The following FRMD4A variants were observed in gnomAD, a reference collection of about 807,000 sequenced individuals.
FRMD4A encodes the protein FERM domain containing 4A, also known as FERM domain-containing protein 4A.
In FRMD4A, 29 loss-of-function variants were observed where a neutral mutation model predicts 129.1. The ratio of observed to expected loss-of-function variants is 0.22; its 90% confidence interval spans 0.17 to 0.31. The LOEUF is 0.31. Among genes scored for constraint, FRMD4A ranks in the 10% least tolerant of loss-of-function variants. The pLI is 1.00. For missense variants in FRMD4A, 1,272 were observed against 1,375.8 expected (o/e 0.92, Z 1.19); for synonymous variants, 634 against 571.6 (o/e 1.11, Z -1.56).
At chr10:13,887,931 G>A (rs1222376813) in intron 2 of FRMD4A, among the ~76,000 whole-genome samples, 1 of 152,214 alleles carries the variant, frequency 6.6e-6, no homozygotes, top group Non-Finnish European at 1.5e-5. Flanking sequence ...GGTGGCAGCT[G>A]ATGGATTTAG....
At chr10:13,695,306 A>G (rs192618884) in intron 14 of FRMD4A, among the ~76,000 whole-genome samples, 2 of 151,946 alleles carry the variant, frequency 1.3e-5, no homozygotes. Context: ...ACGCCCAGCT[A>G]ATTTTTATAT....
At chr10:14,158,741 A>G (rs572622466) in intron 2 of FRMD4A, among the ~76,000 whole-genome samples, 2 of 150,376 alleles carry the variant, frequency 1.3e-5, no homozygotes, top group East Asian at 2.0e-4. Flanking sequence ...AGAAGAGGAA[A>G]AGGAGGAGGA....
intron 2 of FRMD4A, among the ~76,000 whole-genome samples, chr10:14,164,931 G>T (rs2131875812): frequency 6.6e-6 from 1 of 152,150 alleles, no homozygotes; most frequent in East Asian, 1.9e-4. Flanking sequence ...TGTATTTTAT[G>T]TGTGGCCCAA....
intron 12 of FRMD4A, among the ~76,000 whole-genome samples, chr10:13,730,887 G>T (rs2090276921): frequency 1.5e-5 from 2 of 136,994 alleles, no homozygotes; most frequent in South Asian, 2.5e-4. Flanking sequence ...AATTAGCCAG[G>T]CATGGTGACA....
chr10:13,861,546 C>T (rs2094295063), intron 2 of FRMD4A, among the ~76,000 whole-genome samples: 2 of 152,238 alleles, frequency 1.3e-5, no homozygotes, highest in Non-Finnish European at 2.9e-5. Context: ...AAAAGTTTCA[C>T]ATACTCCTAA....
At chr10:13,849,472 A>C (rs1236550380) in intron 3 of FRMD4A, among the ~76,000 whole-genome samples, 2 of 138,670 alleles carry the variant, frequency 1.4e-5, no homozygotes, top group Non-Finnish European at 1.5e-5. Flanking sequence ...GGTAGAAAAC[A>C]ATCTCCTGCA....
chr10:13,976,843 A>G (rs983485415), intron 2 of FRMD4A, among the ~76,000 whole-genome samples: 1 of 152,202 alleles, frequency 6.6e-6, no homozygotes, highest in African/African-American at 2.4e-5. Context: ...TGGCTGAAGA[A>G]CTATTCTATC....
At chr10:14,003,110 G>C (rs936463079) in intron 2 of FRMD4A, among the ~76,000 whole-genome samples, 2 of 152,110 alleles carry the variant, frequency 1.3e-5, no homozygotes, top group African/African-American at 2.4e-5. Context: ...CTGCAGCACA[G>C]AGCGTGAATT....
intron 2 of FRMD4A, among the ~76,000 whole-genome samples, chr10:13,941,288 C>T (rs1811542): frequency 0.09 from 13,646 of 152,168 alleles, 757 homozygotes; most frequent in Non-Finnish European, 0.13. Flanking sequence ...GCTTGGCTCC[C>T]ATTCTCTCTT....
At chr10:13,776,541 A>G (rs1292686275) in intron 6 of FRMD4A, among the ~76,000 whole-genome samples, 2 of 152,252 alleles carry the variant, frequency 1.3e-5, no homozygotes, top group Non-Finnish European at 2.9e-5. Flanking sequence ...TGCAAGTGGC[A>G]GGAGTTGCAG....
chr10:14,111,542 A>C (rs183421375), intron 2 of FRMD4A, among the ~76,000 whole-genome samples: 197 of 152,328 alleles, frequency 1.3e-3, no homozygotes, highest in African/African-American at 4.6e-3. Context: ...ATGGTTAGGG[A>C]AAGATCAAAG....
intron 2 of FRMD4A, among the ~76,000 whole-genome samples, chr10:14,139,126 C>G (rs1839701923): frequency 6.6e-6 from 1 of 152,110 alleles, no homozygotes; most frequent in Non-Finnish European, 1.5e-5. Flanking sequence ...TGTATTGTTA[C>G]TACATAAAAA....
At chr10:14,059,152 C>T (rs1834684916) in intron 2 of FRMD4A, among the ~76,000 whole-genome samples, 1 of 152,140 alleles carries the variant, frequency 6.6e-6, no homozygotes, top group Admixed American at 6.5e-5. Flanking sequence ...GAATTCAGCT[C>T]TGTGAATGTC....
At chr10:14,113,737 C>CTATT (rs1224462900) in intron 2 of FRMD4A, among the ~76,000 whole-genome samples, 1 of 152,186 alleles carries the variant, frequency 6.6e-6, no homozygotes, top group Admixed American at 6.5e-5. Context: ...TGGTCAAAGG[C>CTATT]TATTGTAAAG....
At chr10:13,844,610 G>C (rs2094016666) in intron 3 of FRMD4A, among the ~76,000 whole-genome samples, 1 of 152,110 alleles carries the variant, frequency 6.6e-6, no homozygotes, top group Non-Finnish European at 1.5e-5. Flanking sequence ...CTGATCTATT[G>C]CTACCCTAAA....
At chr10:13,985,403 G>A (rs754622964) in intron 2 of FRMD4A, among the ~76,000 whole-genome samples, 2 of 152,182 alleles carry the variant, frequency 1.3e-5, no homozygotes, top group Non-Finnish European at 2.9e-5. Context: ...GCCTTGGGTG[G>A]TTTGAGGGGT....
At chr10:14,139,923 A>G (rs1027786092) in intron 2 of FRMD4A, among the ~76,000 whole-genome samples, 2 of 152,188 alleles carry the variant, frequency 1.3e-5, no homozygotes, top group African/African-American at 4.8e-5. Context: ...GAAACACTAT[A>G]ACTAGAAGAT....
At chr10:14,114,567 A>G (rs1024981577) in intron 2 of FRMD4A, among the ~76,000 whole-genome samples, 2 of 152,224 alleles carry the variant, frequency 1.3e-5, no homozygotes, top group Non-Finnish European at 2.9e-5. Flanking sequence ...AAGAGCAGAA[A>G]GGAATGACCA....
At chr10:14,308,875 C>G (rs1296695974) in intron 2 of FRMD4A, among the ~76,000 whole-genome samples, 1 of 152,126 alleles carries the variant, frequency 6.6e-6, no homozygotes, top group African/African-American at 2.4e-5. Context: ...TACCAAATGA[C>G]CCATTGGTTA....
Sources: gnomAD v4.1 joint callset for allele counts (sites outside exome capture counted in the v4.1 genomes callset) on GRCh38, gnomAD v4.1.1 for gene constraint, MANE v1.5 for transcripts, NCBI Gene and HGNC (gene_info 2026-07-23, HGNC 2026-07-21) for gene names.